KCNN3: variants seen among roughly 807,000 people sequenced by gnomAD.
KCNN3 encodes small conductance calcium-activated potassium channel protein 3.
In KCNN3, 16 loss-of-function variants were observed where a neutral mutation model predicts 62.9. The ratio of observed to expected loss-of-function variants is 0.25; its 90% CI spans 0.17 to 0.39. The LOEUF is 0.39. KCNN3 is among the 10% of genes least tolerant of loss of function. The pLI, the probability that KCNN3 is intolerant of heterozygous loss-of-function variation, is 1.00. For missense variants in KCNN3, 599 were observed against 949.4 expected (o/e 0.63, Z 4.85); for synonymous variants, 370 against 389.2 (o/e 0.95, Z 0.58).
intron 3 of KCNN3, among the ~76,000 whole-genome samples, chr1:154,763,597 C>T (rs1024103892): frequency 6.6e-5 from 10 of 152,152 alleles, no homozygotes; most frequent in Admixed American, 2.0e-4. Flanking sequence ...TGAGTTTTTA[C>T]GTACAGGGTC....
rs149417774 is a variant in KCNN3 at position 154,786,753 on chromosome 1, T to C, written c.1030-14360A>G. 4.6e-3 allele frequency among the ~76,000 whole-genome samples: 697 copies of C among 152,330 alleles called. 3 individuals carry two copies. Among genetic ancestry groups the C allele is most frequent in the Non-Finnish European group, 5.8e-3 (394 of 68,018 alleles). On this transcript the variant is annotated intron_variant, in intron 2 of 7. Coordinates refer to ENST00000271915, the MANE Select transcript of KCNN3 (RefSeq NM_002249.6). ...AGATGGGAATCAGGGAACCTATTGA[T>C]TTTTTTCCTTTTGATAATGAGAACA...
At chr1:154,867,676 C>T (rs1050978289) in intron 1 of KCNN3, among the ~76,000 whole-genome samples, 13 of 152,062 alleles carry the variant, frequency 8.5e-5, no homozygotes, top group Non-Finnish European at 1.6e-4. Context: ...AAACCTCCAA[C>T]AGCTGAACCC....
At chr1:154,812,271 T>C (rs1365152523) in intron 2 of KCNN3, among the ~76,000 whole-genome samples, 1 of 152,242 alleles carries the variant, frequency 6.6e-6, no homozygotes, top group Non-Finnish European at 1.5e-5. Flanking sequence ...TTTTCTTTTT[T>C]TTTATACTTT....
intron 2 of KCNN3, among the ~76,000 whole-genome samples, chr1:154,797,359 A>T (rs1449256424): frequency 6.6e-6 from 1 of 152,248 alleles, no homozygotes; most frequent in Non-Finnish European, 1.5e-5. Flanking sequence ...GATTTTGGGC[A>T]AGTTAATTAA....
At chr1:154,726,658 C>G (rs7528919) in intron 4 of KCNN3, among the ~76,000 whole-genome samples, 130,683 of 152,304 alleles carry the variant, frequency 0.86, 56,090 homozygotes, top group African/African-American at 0.88. Context: ...TCAAGGTTTA[C>G]GCTATGACTC....
chr1:154,828,697 C>A (rs1218551), intron 1 of KCNN3, among the ~76,000 whole-genome samples: 4 of 152,138 alleles, frequency 2.6e-5, no homozygotes, highest in East Asian at 3.9e-4. Flanking sequence ...ATCATGCATA[C>A]GAAAAATCTC....
intron 1 of KCNN3, among the ~76,000 whole-genome samples, chr1:154,860,116 G>A (rs1192589166): frequency 2.6e-5 from 4 of 152,190 alleles, no homozygotes; most frequent in Non-Finnish European, 4.4e-5. Flanking sequence ...GGCTGGGAAC[G>A]TCACCCACTG....
chr1:154,728,055 A>C (rs1700507679), intron 4 of KCNN3, among the ~76,000 whole-genome samples: 1 of 152,210 alleles, frequency 6.6e-6, no homozygotes, highest in Admixed American at 6.5e-5. Context: ...CTGAAGAGGG[A>C]GCTTCCCTGT....
intron 1 of KCNN3, among the ~76,000 whole-genome samples, chr1:154,841,449 G>A (rs1184918237): frequency 6.6e-6 from 1 of 152,196 alleles, no homozygotes; most frequent in Non-Finnish European, 1.5e-5. Flanking sequence ...CCAGGCATCA[G>A]CATTTTTTTA....
At chr1:154,770,932 C>T (rs528046116) in intron 3 of KCNN3, among the ~76,000 whole-genome samples, 2 of 152,036 alleles carry the variant, frequency 1.3e-5, no homozygotes, top group South Asian at 2.1e-4. Context: ...TGGCGCATGC[C>T]TGTAATCTCA....
intron 1 of KCNN3, among the ~76,000 whole-genome samples, chr1:154,846,433 C>T (rs1354291694): frequency 6.6e-6 from 1 of 152,234 alleles, no homozygotes; most frequent in Non-Finnish European, 1.5e-5. Context: ...CAGCAGCATA[C>T]TGAGGGGGAG....
chr1:154,743,789 C>T (rs887387496), intron 3 of KCNN3, among the ~76,000 whole-genome samples: 25 of 152,092 alleles, frequency 1.6e-4, no homozygotes, highest in African/African-American at 5.8e-4. Flanking sequence ...ATAAGTGTTC[C>T]CAGCACGTTT....
chr1:154,834,609 A>T lies in KCNN3; in HGVS notation c.934-12425T>A, dbSNP rs116210321. 5.1e-3 allele frequency among the ~76,000 whole-genome samples: 778 copies of T among 152,064 alleles called. 12 individuals carry two copies. Among genetic ancestry groups the T allele is most frequent in the African/African-American group, 0.018 (734 of 41,470 alleles). ...TCCCCTACAGGTGTTGCCTCTAGGA[A>T]CTCTCCACAGATTCAAACTCTACAA... On this transcript the variant is annotated intron_variant, in intron 1 of 7. Transcript: ENST00000271915.
intron 2 of KCNN3, among the ~76,000 whole-genome samples, chr1:154,799,137 G>A (rs370577787): frequency 6.6e-6 from 1 of 152,012 alleles, no homozygotes; most frequent in South Asian, 2.1e-4. Context: ...GGCTGGTCTC[G>A]AACTCCTGAC....
intron 3 of KCNN3, among the ~76,000 whole-genome samples, chr1:154,747,322 G>A (rs1481807964): frequency 6.6e-6 from 1 of 152,060 alleles, no homozygotes; most frequent in East Asian, 1.9e-4. Flanking sequence ...TGCAGCCAGG[G>A]AAATCTTTCT....
Position 154,700,026 on chromosome 1 carries a change from T to G in KCNN3, c.*7950A>C, listed in dbSNP as rs1699820292. 6.6e-6 allele frequency: 1 copy of G among 152,206 alleles called. No individual in the cohort carries two copies. The highest frequency in any genetic ancestry group is 1.5e-5 in the Non-Finnish European group (1 of 68,036). The allele number at this position is 152,206 out of a possible 1,614,324, so 9.4% of individuals were successfully genotyped here. On this transcript the variant is annotated 3_prime_UTR_variant, in exon 8 of 8. Coordinates refer to ENST00000271915, the MANE Select transcript of KCNN3 (RefSeq NM_002249.6). ...TGTAGACCATCCAAGTTATATAACC[T>G]CAAGTGGAATTTAAAGATGCATTTT...
chr1:154,752,643 T>C (rs1174031762), intron 3 of KCNN3, among the ~76,000 whole-genome samples: 1 of 147,350 alleles, frequency 6.8e-6, no homozygotes, highest in African/African-American at 2.5e-5. Flanking sequence ...TGAATGGCCA[T>C]GAACGAAGAT....
At chr1:154,747,711 A>G (rs1258685125) in intron 3 of KCNN3, among the ~76,000 whole-genome samples, 2 of 152,236 alleles carry the variant, frequency 1.3e-5, no homozygotes, top group African/African-American at 4.8e-5. Flanking sequence ...AAACAAGTAC[A>G]TAAATAAGGT....
chr1:154,713,219 G>A (rs1700114690), intron 7 of KCNN3, among the ~76,000 whole-genome samples: 1 of 152,112 alleles, frequency 6.6e-6, no homozygotes, highest in Non-Finnish European at 1.5e-5. Flanking sequence ...TTAATTTCAC[G>A]CAGAGACACA....
Sources: gnomAD v4.1 joint callset for allele counts (sites outside exome capture counted in the v4.1 genomes callset) on GRCh38, gnomAD v4.1.1 for gene constraint, MANE v1.5 for transcripts, NCBI Gene and HGNC (gene_info 2026-07-23, HGNC 2026-07-21) for gene names.